Variants in SDK1 observed in about 807,000 individuals in gnomAD.
SDK1 encodes the protein sidekick cell adhesion molecule 1.
In SDK1, 157 loss-of-function variants were observed where a neutral mutation model predicts 245.5. That is an observed-to-expected ratio of 0.64 (90% CI 0.56 to 0.73). The LOEUF (loss-of-function observed/expected upper bound fraction) is 0.73, where lower values mean the gene tolerates loss of function less well. SDK1 is among the 30% of genes least tolerant of loss of function. The pLI, the probability that SDK1 is intolerant of heterozygous loss-of-function variation, is 0.00. For missense variants in SDK1, 3,583 were observed against 3,002.3 expected (o/e 1.19, Z -4.52); for synonymous variants, 1,647 against 1,278.5 (o/e 1.29, Z -6.15).
intron 5 of SDK1, among the ~76,000 whole-genome samples, chr7:3,887,731 C>T (rs1013478572): frequency 6.6e-6 from 1 of 152,150 alleles, no homozygotes; most frequent in Non-Finnish European, 1.5e-5. Context: ...TTCTTTTCTA[C>T]CTCTCCAAGT....
intron 8 of SDK1, 142 bp downstream of exon 8, chr7:3,959,156 G>T: frequency 1.4e-6 from 1 of 697,862 alleles, no homozygotes; most frequent in Non-Finnish European, 2.5e-6. Context: ...GATCGGTCTT[G>T]GGGCAGTGAC....
At chr7:3,798,197 A>G (rs952347851) in intron 4 of SDK1, among the ~76,000 whole-genome samples, 3 of 142,920 alleles carry the variant, frequency 2.1e-5, no homozygotes, top group African/African-American at 7.8e-5. Flanking sequence ...CTTGTCTTCC[A>G]TGACCTTGGC....
intron 5 of SDK1, among the ~76,000 whole-genome samples, chr7:3,858,866 CT>C (rs11464569): frequency 1.6e-3 from 205 of 131,246 alleles, no homozygotes; most frequent in Non-Finnish European, 1.7e-3. Flanking sequence ...TTTCTTTTTT[CT>C]TTTTTTTTTT....
At chr7:3,627,982 A>G (rs1782171984) in intron 2 of SDK1, among the ~76,000 whole-genome samples, 1 of 152,066 alleles carries the variant, frequency 6.6e-6, no homozygotes, top group African/African-American at 2.4e-5. Flanking sequence ...TTCTCAAGCC[A>G]TTTCTTTCTC....
chr7:3,353,815 G>T (rs370701001), intron 1 of SDK1, among the ~76,000 whole-genome samples: 22,629 of 98,002 alleles, frequency 0.23, 2,698 homozygotes, highest in African/African-American at 0.39. Context: ...ACTAGAAAAA[G>T]CAGCCTCCCA....
intron 1 of SDK1, among the ~76,000 whole-genome samples, chr7:3,577,495 A>G (rs952519611): frequency 2.0e-5 from 3 of 151,728 alleles, no homozygotes; most frequent in African/African-American, 4.8e-5. Flanking sequence ...GGCTCTTTTC[A>G]TGCTCTTCCC....
At chr7:3,959,228 A>G (rs1455388832) in intron 8 of SDK1, among the ~76,000 whole-genome samples, 2 of 152,120 alleles carry the variant, frequency 1.3e-5, no homozygotes, top group African/African-American at 4.8e-5. Flanking sequence ...CAGAGATGAT[A>G]CTATTTACCC....
At position 3,818,821 on chromosome 7, in the gene SDK1, A is replaced by G. The variant is rs531707477; in HGVS notation, c.714-2629A>G. On this transcript the variant is annotated intron_variant, in intron 4 of 44. Transcript: ENST00000404826. Reference sequence around the variant, plus strand: ...TCAGCTTCATGTGAAGGTCATTTCTATCATGGCCATAAAATCACCACCATG... The same window carrying G: ...TCAGCTTCATGTGAAGGTCATTTCTGTCATGGCCATAAAATCACCACCATG... Among the ~76,000 whole-genome samples the G allele has an allele frequency of 1.7e-3, 252 of 152,280 alleles. 1 individual carries two copies. Among genetic ancestry groups the G allele is most frequent in the African/African-American group, 4.1e-3 (171 of 41,564 alleles).
chr7:3,603,981 C>T (rs1479503833), intron 1 of SDK1, among the ~76,000 whole-genome samples: 1 of 152,124 alleles, frequency 6.6e-6, no homozygotes, highest in South Asian at 2.1e-4. Context: ...TGCTGGATTA[C>T]CTTTATTGAT....
At chr7:3,312,623 T>C (rs1038398776) in intron 1 of SDK1, among the ~76,000 whole-genome samples, 3 of 151,988 alleles carry the variant, frequency 2.0e-5, no homozygotes, top group African/African-American at 7.3e-5. Flanking sequence ...CAGGTAGATA[T>C]AATTGAAGAT....
chr7:3,936,104 G>A (rs954245364), intron 5 of SDK1, among the ~76,000 whole-genome samples: 1 of 152,126 alleles, frequency 6.6e-6, no homozygotes, highest in African/African-American at 2.4e-5. Context: ...ATGAACCTTG[G>A]GGATGTTATG....
intron 5 of SDK1, among the ~76,000 whole-genome samples, chr7:3,904,686 C>T (rs1282486920): frequency 6.6e-6 from 1 of 151,400 alleles, no homozygotes; most frequent in African/African-American, 2.4e-5. Context: ...AGAGTGAAAC[C>T]ATGTATCTAA....
At chr7:3,915,175 G>A (rs1281684578) in intron 5 of SDK1, among the ~76,000 whole-genome samples, 3 of 152,218 alleles carry the variant, frequency 2.0e-5, no homozygotes, top group African/African-American at 7.2e-5. Context: ...AGGAGCAGGG[G>A]TAGGATGAGC....
At chr7:3,746,235 A>G (rs1408774668) in intron 4 of SDK1, among the ~76,000 whole-genome samples, 5 of 152,228 alleles carry the variant, frequency 3.3e-5, no homozygotes, top group African/African-American at 1.2e-4. Flanking sequence ...AAAAATTTAC[A>G]TACCTTAATT....
chr7:3,893,431 A>G (rs915730196), intron 5 of SDK1, among the ~76,000 whole-genome samples: 4 of 152,068 alleles, frequency 2.6e-5, no homozygotes, highest in South Asian at 2.1e-4. Context: ...TGTTGTGGGG[A>G]TAAATGAGCC....
chr7:3,401,762 G>T (rs1038673432), intron 1 of SDK1, among the ~76,000 whole-genome samples: 9 of 151,944 alleles, frequency 5.9e-5, no homozygotes, highest in African/African-American at 2.2e-4. Flanking sequence ...TAGAATGTAT[G>T]AATTACCCCT....
intron 4 of SDK1, among the ~76,000 whole-genome samples, chr7:3,807,245 G>A (rs940072153): frequency 6.6e-6 from 1 of 152,116 alleles, no homozygotes; most frequent in Non-Finnish European, 1.5e-5. Context: ...TAGTGGAGAA[G>A]GTAACCTCCA....
chr7:3,657,101 GA>G (rs1418349757), intron 4 of SDK1, among the ~76,000 whole-genome samples: 1 of 152,166 alleles, frequency 6.6e-6, no homozygotes, highest in East Asian at 1.9e-4. Context: ...GGAGGAGGGG[GA>G]AAGCTGCCGT....
Position 3,974,391 on chromosome 7 carries a change from G to C in SDK1, c.1840G>C (p.Val614Leu). Residue 614 changes from valine to leucine, a missense_variant, in exon 13 of 45, where the codon GTG (valine) becomes CTG (leucine). Val to Leu is a conservative substitution (Grantham distance 32). Coordinates refer to ENST00000404826, the MANE Select transcript of SDK1 (RefSeq NM_152744.4). ...SLRYVWKKDN[V>L]ALTPSSTSRI... ...CAGCTACGTTTGGAAGAAGGACAACGTGGCCCTGACTCCATCGAGCACGTC... is the reference window on the plus strand; with the variant it reads ...CAGCTACGTTTGGAAGAAGGACAACCTGGCCCTGACTCCATCGAGCACGTC... 6.2e-7 allele frequency: 1 copy of C among 1,613,708 alleles called. No homozygotes were observed. The highest frequency in any genetic ancestry group is 8.5e-7 in the Non-Finnish European group (1 of 1,179,738).
Sources: allele counts gnomAD v4.1 joint callset (sites outside exome capture counted in the v4.1 genomes callset), GRCh38; gene constraint gnomAD v4.1.1; transcripts MANE v1.5; gene names NCBI Gene and HGNC (gene_info 2026-07-23, HGNC 2026-07-21).